The following PALM2AKAP2 variants were observed in gnomAD, a reference collection of about 807,000 sequenced individuals.
PALM2AKAP2 encodes the protein PALM2 and AKAP2 fusion.
A neutral mutation model predicts 71.5 loss-of-function variants in PALM2AKAP2; 37 were observed. The ratio of observed to expected loss-of-function variants is 0.52; its 90% CI spans 0.40 to 0.68. PALM2AKAP2 has a LOEUF of 0.68. Among genes scored for constraint, PALM2AKAP2 ranks in the 30% least tolerant of loss-of-function variants. PALM2AKAP2 has a pLI of 0.00. For missense variants in PALM2AKAP2, 1,224 were observed against 1,191.8 expected (o/e 1.03, Z -0.40); for synonymous variants, 468 against 478.8 (o/e 0.98, Z 0.29).
intron 6 of PALM2AKAP2, among the ~76,000 whole-genome samples, chr9:109,966,222 A>G (rs1294719092): frequency 6.6e-6 from 1 of 152,166 alleles, no homozygotes; most frequent in East Asian, 1.9e-4. Context: ...GTGCCATACC[A>G]GAGGTTCAAG....
intron 3 of PALM2AKAP2, among the ~76,000 whole-genome samples, chr9:109,888,128 G>C (rs148588823): frequency 6.6e-6 from 1 of 152,258 alleles, no homozygotes; most frequent in Non-Finnish European, 1.5e-5. Flanking sequence ...GCACTTTCTA[G>C]CCTGTGTACA....
intron 6 of PALM2AKAP2, among the ~76,000 whole-genome samples, chr9:109,964,676 C>T (rs556510494): frequency 2.0e-5 from 3 of 152,306 alleles, no homozygotes; most frequent in African/African-American, 7.2e-5. Context: ...TGAGCTCTTA[C>T]TATACCTCAG....
intron 1 of PALM2AKAP2, among the ~76,000 whole-genome samples, chr9:109,690,520 G>T (rs1827867101): frequency 6.6e-6 from 1 of 152,118 alleles, no homozygotes; most frequent in Admixed American, 6.5e-5. Context: ...TTTTCCTATA[G>T]TTGTTATAGC....
chr9:109,932,110 T>G, intron 6 of PALM2AKAP2, 82 bp downstream of exon 6: 8 of 1,388,472 alleles, frequency 5.8e-6, no homozygotes, highest in Non-Finnish European at 7.8e-6. Context: ...ATGAGTGCCC[T>G]GCTATCCTTA....
intron 1 of PALM2AKAP2, among the ~76,000 whole-genome samples, chr9:110,061,988 C>A (rs1305850325): frequency 7.1e-6 from 1 of 140,342 alleles, no homozygotes; most frequent in Non-Finnish European, 1.5e-5. Context: ...TACTATGCTG[C>A]CTTCTTAGTG....
intron 6 of PALM2AKAP2, among the ~76,000 whole-genome samples, chr9:109,979,888 G>A (rs1223128301): frequency 2.6e-5 from 4 of 152,168 alleles, no homozygotes; most frequent in African/African-American, 9.7e-5. Flanking sequence ...TTAGATCTGT[G>A]TGCTGAATAC....
intron 1 of PALM2AKAP2, among the ~76,000 whole-genome samples, chr9:110,085,032 G>T (rs1029538616): frequency 6.6e-6 from 1 of 152,026 alleles, no homozygotes; most frequent in Non-Finnish European, 1.5e-5. Context: ...GAGCCACCGC[G>T]CCCGGCCTAG....
intron 6 of PALM2AKAP2, among the ~76,000 whole-genome samples, chr9:109,949,471 T>C (rs1428806711): frequency 3.3e-5 from 5 of 152,234 alleles, no homozygotes; most frequent in Non-Finnish European, 5.9e-5. Context: ...TTTACAGTTA[T>C]GTATTTTTTT....
intron 3 of PALM2AKAP2, among the ~76,000 whole-genome samples, chr9:109,890,411 G>A (rs1350228310): frequency 6.6e-6 from 1 of 152,192 alleles, no homozygotes; most frequent in Non-Finnish European, 1.5e-5. Context: ...TAGGCGTGGA[G>A]CCCTCCAGGA....
chr9:110,065,571 C>G (rs895622588), intron 1 of PALM2AKAP2, among the ~76,000 whole-genome samples: 4 of 152,222 alleles, frequency 2.6e-5, no homozygotes, highest in Non-Finnish European at 5.9e-5. Flanking sequence ...AATGTACCCT[C>G]TAAACCATTT....
intron 1 of PALM2AKAP2, among the ~76,000 whole-genome samples, chr9:109,769,413 C>T (rs16914500): frequency 0.29 from 43,449 of 151,970 alleles, 7,792 homozygotes; most frequent in African/African-American, 0.48. Flanking sequence ...TAAGTCACCA[C>T]CTTGGAAGGG....
intron 7 of PALM2AKAP2, among the ~76,000 whole-genome samples, chr9:110,028,150 G>A (rs1833215471): frequency 2.0e-5 from 3 of 152,232 alleles, no homozygotes; most frequent in Middle Eastern, 3.4e-3. Context: ...TCATTGTCTT[G>A]AATTTTCTTT....
chr9:110,068,715 T>G (rs1033269659), intron 1 of PALM2AKAP2, among the ~76,000 whole-genome samples: 9 of 152,038 alleles, frequency 5.9e-5, no homozygotes, highest in African/African-American at 2.2e-4. Context: ...AATTATTTTG[T>G]AGAGAGAGAG....
intron 1 of PALM2AKAP2, among the ~76,000 whole-genome samples, chr9:109,677,353 G>A (rs935044838): frequency 1.3e-5 from 2 of 152,104 alleles, no homozygotes; most frequent in African/African-American, 4.8e-5. Flanking sequence ...TTAACGTAAA[G>A]TTTGACTTGG....
At chr9:109,796,095 T>C (rs1358044538) in intron 1 of PALM2AKAP2, among the ~76,000 whole-genome samples, 2 of 152,278 alleles carry the variant, frequency 1.3e-5, no homozygotes, top group South Asian at 2.1e-4. Flanking sequence ...TAGTGACTTT[T>C]AGCAGAGTTC....
At chr9:109,904,975 A>C (rs1587998027) in intron 3 of PALM2AKAP2, among the ~76,000 whole-genome samples, 1 of 152,306 alleles carries the variant, frequency 6.6e-6, no homozygotes, top group East Asian at 1.9e-4. Flanking sequence ...TTTACCCCTC[A>C]GGCTTTGATC....
chr9:109,713,243 G>A (rs964856860), intron 1 of PALM2AKAP2, among the ~76,000 whole-genome samples: 1 of 152,178 alleles, frequency 6.6e-6, no homozygotes, highest in African/African-American at 2.4e-5. Context: ...CTTGGAGGCA[G>A]CAAGTCTATT....
rs72754990 is a variant in PALM2AKAP2 at position 110,118,109 on chromosome 9, A to G, written c.157-18018A>G. 3.6e-3 allele frequency among the ~76,000 whole-genome samples: 542 copies of G among 151,472 alleles called. 3 individuals are homozygous for G. The highest frequency in any genetic ancestry group is 8.2e-3 in the South Asian group (39 of 4,782). ...CTCCAATGCCACAATGTTTGCAACA[A>G]TAAAAGACTAGAAATAACCTAAATT... On this transcript the variant is annotated intron_variant, in intron 1 of 3. Coordinates refer to ENST00000374525, the Ensembl canonical transcript of PALM2AKAP2.
At chr9:109,915,423 A>G (rs546202883) in intron 3 of PALM2AKAP2, among the ~76,000 whole-genome samples, 1 of 152,328 alleles carries the variant, frequency 6.6e-6, no homozygotes, top group South Asian at 2.1e-4. Flanking sequence ...TTGTGTTGCA[A>G]TGTGCATTCT....
Sources: gnomAD v4.1 joint callset for allele counts (sites outside exome capture counted in the v4.1 genomes callset) on GRCh38, gnomAD v4.1.1 for gene constraint, MANE v1.5 for transcripts, NCBI Gene and HGNC (gene_info 2026-07-23, HGNC 2026-07-21) for gene names.